Variants in LRRTM4 observed in about 807,000 individuals in gnomAD.
LRRTM4 encodes leucine rich repeat transmembrane neuronal 4.
A neutral mutation model predicts 47.6 loss-of-function variants in LRRTM4; 25 were observed. The observed-to-expected ratio is 0.53, with a 90% confidence interval of 0.38 to 0.73. The LOEUF (loss-of-function observed/expected upper bound fraction) is 0.73, where lower values mean the gene tolerates loss of function less well. LRRTM4 is among the 30% of genes least tolerant of loss of function. The pLI is 0.00. For synonymous variants in LRRTM4, 311 were observed against 269.5 expected, an observed-to-expected ratio of 1.15 and a Z score of -1.51; for missense variants, 638 against 713.4, an observed-to-expected ratio of 0.89 and a Z score of 1.20.
At chr2:77,504,568 C>G (rs942746241) in intron 3 of LRRTM4, among the ~76,000 whole-genome samples, 5 of 151,398 alleles carry the variant, frequency 3.3e-5, no homozygotes, top group African/African-American at 1.2e-4. Flanking sequence ...TGAAAAAAAT[C>G]AATAAATCTG....
At chr2:77,074,182 A>G (rs1397263044) in intron 3 of LRRTM4, among the ~76,000 whole-genome samples, 1 of 152,130 alleles carries the variant, frequency 6.6e-6, no homozygotes, top group Admixed American at 6.5e-5. Flanking sequence ...ATCTAATTTT[A>G]TGATTTTGTT....
chr2:77,008,267 G>T (rs1677733717), intron 3 of LRRTM4, among the ~76,000 whole-genome samples: 1 of 152,066 alleles, frequency 6.6e-6, no homozygotes, highest in South Asian at 2.1e-4. Flanking sequence ...ACACATTTAG[G>T]TTTACATCTT....
intron 3 of LRRTM4, among the ~76,000 whole-genome samples, chr2:77,069,066 T>C (rs150869030): frequency 6.6e-6 from 1 of 152,282 alleles, no homozygotes; most frequent in Admixed American, 6.5e-5. Flanking sequence ...ATAGAAACAA[T>C]GCTAATGACT....
intron 3 of LRRTM4, among the ~76,000 whole-genome samples, chr2:77,026,281 A>G (rs1001346829): frequency 2.0e-5 from 3 of 152,056 alleles, no homozygotes; most frequent in African/African-American, 7.2e-5. Flanking sequence ...CCTCATGAAA[A>G]CCCCAGAAGG....
intron 3 of LRRTM4, among the ~76,000 whole-genome samples, chr2:76,932,006 C>T (rs1674785207): frequency 6.6e-6 from 1 of 152,118 alleles, no homozygotes; most frequent in South Asian, 2.1e-4. Flanking sequence ...ATATTTGGCT[C>T]CAGTTACTTT....
At chr2:77,481,177 T>G (rs1273526723) in intron 3 of LRRTM4, among the ~76,000 whole-genome samples, 1 of 152,128 alleles carries the variant, frequency 6.6e-6, no homozygotes, top group Non-Finnish European at 1.5e-5. Context: ...GTACCAAACT[T>G]TTTTCTAACA....
chr2:77,026,131 A>G (rs566005252), intron 3 of LRRTM4, among the ~76,000 whole-genome samples: 3 of 152,276 alleles, frequency 2.0e-5, no homozygotes, highest in Admixed American at 2.0e-4. Context: ...ATGAAACCAG[A>G]CCACATTCTT....
chr2:77,519,420 G>C lies in LRRTM4; in HGVS notation c.449C>G (p.Ser150Cys), dbSNP rs771505210. 6.2e-7 allele frequency: 1 copy of C among 1,613,444 alleles called. No homozygotes were observed. Among genetic ancestry groups the C allele is most frequent in the South Asian group, 1.1e-5 (1 of 91,070 alleles). ...LSYNKLQTLQ[S>C]EQFKGLRKLI... The stretch of plus-strand genomic sequence containing the variant: ...TTTCCGAAGGCCTTTAAATTGTTCA[G>C]ATTGCAATGTCTGAAGCTTATTGTA... The change falls in exon 3 of 4, where the codon TCT becomes TGT. Residue 150 changes from serine to cysteine, a missense_variant. Ser to Cys is a moderately radical substitution (Grantham distance 112). Transcript: ENST00000409884. This position sits in a 1 kb window ranked among gnomAD's most constrained non-coding sequence, Gnocchi z 4.6.
At chr2:77,303,274 C>CA (rs1234043354) in intron 3 of LRRTM4, among the ~76,000 whole-genome samples, 24 of 146,026 alleles carry the variant, frequency 1.6e-4, no homozygotes, top group African/African-American at 6.2e-4. Context: ...AACAAACAAA[C>CA]AAACAAAAAA....
intron 3 of LRRTM4, among the ~76,000 whole-genome samples, chr2:77,457,305 G>C (rs1474258581): frequency 6.6e-6 from 1 of 151,500 alleles, no homozygotes; most frequent in East Asian, 2.0e-4. Flanking sequence ...AGTTGGATAG[G>C]CTTAAAGTCA....
intron 3 of LRRTM4, among the ~76,000 whole-genome samples, chr2:76,821,865 GA>G (rs1374983577): frequency 6.6e-6 from 1 of 151,556 alleles, no homozygotes; most frequent in African/African-American, 2.4e-5. Flanking sequence ...TCACCAGTGA[GA>G]CACCTCTCTC....
intron 3 of LRRTM4, among the ~76,000 whole-genome samples, chr2:77,086,658 A>G (rs896964821): frequency 1.3e-5 from 2 of 150,522 alleles, no homozygotes; most frequent in African/African-American, 2.5e-5. Context: ...TTGTTTGTTT[A>G]TTTGTTTGTT....
chr2:77,218,083 G>A (rs377214685), intron 3 of LRRTM4, among the ~76,000 whole-genome samples: 13 of 151,936 alleles, frequency 8.6e-5, no homozygotes, highest in East Asian at 1.9e-4. Flanking sequence ...CAACCTCCCC[G>A]TCTCAGGTTC....
intron 3 of LRRTM4, among the ~76,000 whole-genome samples, chr2:77,411,159 C>T (rs1408128591): frequency 1.3e-5 from 2 of 151,980 alleles, no homozygotes; most frequent in Non-Finnish European, 2.9e-5. Context: ...AGATTCAGGC[C>T]CCTTCTTCAT....
chr2:77,084,082 G>A (rs890570801), intron 3 of LRRTM4, among the ~76,000 whole-genome samples: 41 of 151,998 alleles, frequency 2.7e-4, no homozygotes, highest in African/African-American at 9.4e-4. Context: ...TGGGATTACA[G>A]GTGTGAGCCA....
At chr2:77,047,293 C>G (rs1679266157) in intron 3 of LRRTM4, among the ~76,000 whole-genome samples, 1 of 151,954 alleles carries the variant, frequency 6.6e-6, no homozygotes, top group Non-Finnish European at 1.5e-5. Context: ...TGTTCCTCAG[C>G]AGAATCCTTA....
chr2:76,799,802 CCAA>C (rs1205005906), intron 3 of LRRTM4, among the ~76,000 whole-genome samples: 2 of 139,988 alleles, frequency 1.4e-5, no homozygotes, highest in Non-Finnish European at 3.1e-5. Context: ...TTCTTATACA[CCAA>C]CAACAGACAA....
chr2:76,780,047 C>G (rs1280590557), intron 3 of LRRTM4, among the ~76,000 whole-genome samples: 1 of 152,148 alleles, frequency 6.6e-6, no homozygotes, highest in African/African-American at 2.4e-5. Context: ...ATATGCAATT[C>G]TGGGTTGAAA....
In LRRTM4 at chr2:77,100,362, T is replaced by C. The variant is rs183586193; in HGVS notation, c.1552-351446A>G. ...AATGTAAAAATTTCATACAACATAA[T>C]AGGAAATAGCATCACTGATGAAGTG... On this transcript the variant is annotated intron_variant, in intron 3 of 3. Transcript: ENST00000409884. Among the ~76,000 whole-genome samples the C allele has an allele frequency of 3.1e-4, 47 of 152,292 alleles. No homozygotes were observed. In the East Asian group the frequency reaches 8.7e-3, roughly 28 times the overall value.
Sources: gnomAD v4.1 joint callset for allele counts (sites outside exome capture counted in the v4.1 genomes callset) on GRCh38, gnomAD v4.1.1 for gene constraint, Gnocchi (gnomAD v3.1) non-coding constraint, MANE v1.5 for transcripts, NCBI Gene and HGNC (gene_info 2026-07-23, HGNC 2026-07-21) for gene names.